Variants in LPP observed in about 807,000 individuals in gnomAD.
The protein encoded by LPP is lipoma-preferred partner.
Under a neutral mutation model 60.4 loss-of-function variants are expected in LPP, and 38 were observed. That is an observed-to-expected ratio of 0.63 (90% CI 0.49 to 0.83). LPP has a LOEUF of 0.83. Among genes scored for constraint, LPP ranks in the 40% least tolerant of loss-of-function variants. The probability of loss-of-function intolerance (pLI) is 0.00; values close to 1 mark genes in which losing one functional copy is unlikely to be tolerated. For synonymous variants in LPP, 328 were observed against 290.8 expected, an observed-to-expected ratio of 1.13 and a Z score of -1.30; for missense variants, 902 against 783.6, an observed-to-expected ratio of 1.15 and a Z score of -1.80.
intron 7 of LPP, among the ~76,000 whole-genome samples, chr3:188,642,123 T>C (rs1342866420): frequency 6.6e-6 from 1 of 152,164 alleles, no homozygotes; most frequent in African/African-American, 2.4e-5. Flanking sequence ...ACATCCCCAG[T>C]TTTGGGGAAT....
intron 2 of LPP, among the ~76,000 whole-genome samples, chr3:188,337,892 C>A (rs551809326): frequency 6.6e-6 from 1 of 152,204 alleles, no homozygotes; most frequent in Non-Finnish European, 1.5e-5. Context: ...GGCCATGCTA[C>A]TGATGTCACT....
intron 9 of LPP, among the ~76,000 whole-genome samples, chr3:188,852,844 A>C (rs1407209381): frequency 1.3e-5 from 2 of 152,172 alleles, no homozygotes; most frequent in Admixed American, 1.3e-4. Flanking sequence ...ATCACATTTT[A>C]AGATTAGCAT....
chr3:188,253,352 A>G (rs545690335), intron 2 of LPP, among the ~76,000 whole-genome samples: 1 of 152,144 alleles, frequency 6.6e-6, no homozygotes, highest in Non-Finnish European at 1.5e-5. Context: ...TCTGCATGTT[A>G]TCTTCCAGTA....
chr3:188,836,135 T>G (rs1758391332), intron 9 of LPP, among the ~76,000 whole-genome samples: 1 of 152,236 alleles, frequency 6.6e-6, no homozygotes, highest in South Asian at 2.1e-4. Flanking sequence ...TATTTTACTT[T>G]TCTTTAAAGA....
intron 9 of LPP, among the ~76,000 whole-genome samples, chr3:188,765,813 A>G (rs1260465048): frequency 1.3e-5 from 2 of 148,782 alleles, no homozygotes; most frequent in Admixed American, 1.3e-4. Context: ...AGTAGCTAGG[A>G]CTACAGGCTT....
intron 3 of LPP, among the ~76,000 whole-genome samples, chr3:188,362,519 A>G (rs889859435): frequency 6.6e-6 from 1 of 152,098 alleles, no homozygotes; most frequent in African/African-American, 2.4e-5. Context: ...ATACTTTTAC[A>G]TCCCCTTCCA....
At position 188,229,233 on chromosome 3, in the gene LPP, T is replaced by C. The variant is rs910655710; in HGVS notation, c.-67+3706T>C. On this transcript the variant is annotated intron_variant, in intron 2 of 11. Transcript: ENST00000617246. ...GAAGCTCAGTGCTTGAGAGAACCCA[T>C]AGAAGCTACAGTCTAGCCCATTTGG... Among the ~76,000 whole-genome samples the C allele has an allele frequency of 4.6e-5, 7 of 152,332 alleles. No individual in the cohort carries two copies. The East Asian group carries it at 5.8e-4, about 13-fold the overall frequency.
chr3:188,834,324 G>GTTTTTTTTTTTT (rs71867135), intron 9 of LPP, among the ~76,000 whole-genome samples: 3 of 34,092 alleles, frequency 8.8e-5, no homozygotes, highest in Non-Finnish European at 1.5e-4. Flanking sequence ...CTTTTTGGGT[G>GTTTTTTTTTTTT]TTTTTTTTTT....
intron 2 of LPP, among the ~76,000 whole-genome samples, chr3:188,230,924 G>A (rs575702051): frequency 6.6e-5 from 10 of 152,286 alleles, no homozygotes; most frequent in East Asian, 1.9e-4. Context: ...GCTGAACTCC[G>A]GGGAAGATCT....
At chr3:188,303,338 C>T (rs1213152850) in intron 2 of LPP, among the ~76,000 whole-genome samples, 1 of 152,194 alleles carries the variant, frequency 6.6e-6, no homozygotes, top group East Asian at 1.9e-4. Flanking sequence ...TAAAATGTCC[C>T]TGAAAATAGA....
intron 7 of LPP, among the ~76,000 whole-genome samples, chr3:188,617,510 C>T (rs984309909): frequency 5.3e-5 from 8 of 152,066 alleles, no homozygotes; most frequent in Admixed American, 5.2e-4. Flanking sequence ...AAAATGGTTC[C>T]GATTCTGGTG....
intron 3 of LPP, among the ~76,000 whole-genome samples, chr3:188,372,108 T>C (rs530770941): frequency 1.3e-5 from 2 of 152,086 alleles, no homozygotes; most frequent in South Asian, 4.1e-4. Flanking sequence ...ATGCCTCTCA[T>C]ATAAGGTAGA....
intron 7 of LPP, among the ~76,000 whole-genome samples, chr3:188,663,579 A>C (rs1389079920): frequency 6.6e-6 from 1 of 152,146 alleles, no homozygotes; most frequent in Non-Finnish European, 1.5e-5. Flanking sequence ...TACATGATAT[A>C]TATTATGCAT....
intron 2 of LPP, among the ~76,000 whole-genome samples, chr3:188,327,625 A>G (rs954535133): frequency 2.0e-5 from 3 of 152,200 alleles, no homozygotes; most frequent in African/African-American, 7.2e-5. Flanking sequence ...TTTACTGACC[A>G]GTGGCCTCTT....
rs182287608 is a variant in LPP at position 188,866,263 on chromosome 3, G to A, written c.1474G>A (p.Gly492Arg). ...CATGGAGCGGATTCTCCGAGCCACC[G>A]GGAAGGCCTATCATCCTCACTGTTT... The part of the protein sequence containing the change: ...PIMERILRAT[G>R]KAYHPHCFTC... The change falls in exon 10 of 12, where the codon GGG (glycine) becomes AGG (arginine). Residue 492 changes from glycine (G) to arginine (R), a missense_variant. Coordinates refer to ENST00000617246, the MANE Select transcript of LPP (RefSeq NM_001375462.1). The A allele has an allele frequency of 2.1e-5, 34 of 1,586,204 alleles. No homozygotes were observed. Among genetic ancestry groups the A allele is most frequent in the Non-Finnish European group, 2.4e-5 (28 of 1,165,048 alleles).
chr3:188,801,195 A>G (rs1253744496), intron 9 of LPP, among the ~76,000 whole-genome samples: 1 of 152,214 alleles, frequency 6.6e-6, no homozygotes, highest in Non-Finnish European at 1.5e-5. Flanking sequence ...AGATTTTGTC[A>G]TAAAGTCATC....
At chr3:188,840,475 T>G (rs927239448) in intron 9 of LPP, among the ~76,000 whole-genome samples, 1 of 152,162 alleles carries the variant, frequency 6.6e-6, no homozygotes, top group Non-Finnish European at 1.5e-5. Context: ...TACCATATTG[T>G]TTAGCTCTGT....
intron 4 of LPP, among the ~76,000 whole-genome samples, chr3:188,469,363 G>A (rs564807374): frequency 5.7e-4 from 86 of 152,064 alleles, no homozygotes; most frequent in Middle Eastern, 3.4e-3. Context: ...TGGTGGTGGC[G>A]GTTGTTTTGA....
intron 6 of LPP, among the ~76,000 whole-genome samples, chr3:188,528,334 G>A (rs1023587951): frequency 1.3e-5 from 2 of 150,090 alleles, no homozygotes; most frequent in Non-Finnish European, 3.0e-5. Context: ...GCCCCTCCCC[G>A]CCCCCCAGCT....
Sources: gnomAD v4.1 joint callset for allele counts (sites outside exome capture counted in the v4.1 genomes callset) on GRCh38, gnomAD v4.1.1 for gene constraint, MANE v1.5 for transcripts, NCBI Gene and HGNC (gene_info 2026-07-23, HGNC 2026-07-21) for gene names.